ALDH1A2: variants seen among roughly 807,000 people sequenced by gnomAD.
ALDH1A2 encodes retinal dehydrogenase 2.
In ALDH1A2, 27 loss-of-function variants were observed where a neutral mutation model predicts 60.3. That is an observed-to-expected ratio of 0.45 (90% CI 0.33 to 0.62). ALDH1A2 has a LOEUF of 0.62. Among genes scored for constraint, ALDH1A2 ranks in the 20% least tolerant of loss-of-function variants. The pLI, the probability that ALDH1A2 is intolerant of heterozygous loss-of-function variation, is 0.02. For synonymous variants in ALDH1A2, 289 were observed against 232.4 expected (o/e 1.24, Z -2.21); for missense variants, 581 against 643.8 (o/e 0.90, Z 1.06).
chr15:58,019,578 C>T (rs535929858), intron 1 of ALDH1A2, among the ~76,000 whole-genome samples: 21 of 152,042 alleles, frequency 1.4e-4, no homozygotes, highest in African/African-American at 4.6e-4. Flanking sequence ...ATGCTGTAAC[C>T]GAAGGTAAAA....
intron 1 of ALDH1A2, among the ~76,000 whole-genome samples, chr15:58,044,552 G>C (rs1422824130): frequency 6.6e-6 from 1 of 151,944 alleles, no homozygotes; most frequent in African/African-American, 2.4e-5. Flanking sequence ...AATATGTTAG[G>C]GAAACTGTTG....
chr15:58,048,292 C>T (rs1046121922), intron 1 of ALDH1A2, among the ~76,000 whole-genome samples: 1 of 152,028 alleles, frequency 6.6e-6, no homozygotes, highest in African/African-American at 2.4e-5. Context: ...ACACATTGTA[C>T]TGATGTTCAA....
chr15:57,997,353 T>A (rs1162891235), intron 4 of ALDH1A2, among the ~76,000 whole-genome samples: 2 of 152,030 alleles, frequency 1.3e-5, no homozygotes, highest in African/African-American at 4.8e-5. Flanking sequence ...AAGCTAGAGT[T>A]TCATTTACAA....
At chr15:58,011,217 G>A (rs188264637) in intron 3 of ALDH1A2, among the ~76,000 whole-genome samples, 3 of 152,222 alleles carry the variant, frequency 2.0e-5, no homozygotes, top group East Asian at 3.9e-4. Context: ...CAGCTGCCAA[G>A]ACCCCTGCTG....
At chr15:58,009,545 G>A (rs1161012962) in intron 4 of ALDH1A2, among the ~76,000 whole-genome samples, 3 of 150,670 alleles carry the variant, frequency 2.0e-5, no homozygotes, top group Non-Finnish European at 4.4e-5. Flanking sequence ...CTGCCTTCTG[G>A]AGAACACAGG....
At chr15:58,033,014 A>G (rs375299589) in intron 1 of ALDH1A2, among the ~76,000 whole-genome samples, 20 of 152,182 alleles carry the variant, frequency 1.3e-4, no homozygotes, top group African/African-American at 4.1e-4. Context: ...ACACTGGGAC[A>G]GGTGAGTGGG....
At position 58,034,282 on chromosome 15, in the gene ALDH1A2, T is replaced by C. The variant is rs971333371; in HGVS notation, c.118-20001A>G. 2.0e-5 allele frequency among the ~76,000 whole-genome samples: 3 copies of C among 151,800 alleles called. No individual in the cohort carries two copies. In the South Asian group the frequency reaches 6.2e-4, roughly 31 times the overall value. On this transcript the variant is annotated intron_variant, in intron 1 of 12. Coordinates refer to ENST00000249750, the MANE Select transcript of ALDH1A2 (RefSeq NM_003888.4). The stretch of plus-strand genomic sequence containing the variant: ...AAATTCCAAATGTTCATCACCAGTA[T>C]ATAAGAAATCAAATGACTTTTGTAG...
At chr15:58,065,465 A>T (rs1897152142) in intron 1 of ALDH1A2, 69 bp downstream of exon 1, 1 of 1,337,834 alleles carries the variant, frequency 7.5e-7, no homozygotes, top group Admixed American at 1.7e-5. Flanking sequence ...CACCCGCTGA[A>T]GAGATCGGGG....
At chr15:57,977,967 TG>T (rs1894325988) in intron 7 of ALDH1A2, among the ~76,000 whole-genome samples, 1 of 152,222 alleles carries the variant, frequency 6.6e-6, no homozygotes. Context: ...TCATTGTGAA[TG>T]GGAGTTCACT....
chr15:58,024,187 T>C (rs997039484), intron 1 of ALDH1A2, among the ~76,000 whole-genome samples: 13 of 151,604 alleles, frequency 8.6e-5, no homozygotes, highest in Non-Finnish European at 1.5e-4. Context: ...AAGACTCAAA[T>C]GGTACCACTA....
At chr15:58,001,260 G>A (rs1895258195) in intron 4 of ALDH1A2, among the ~76,000 whole-genome samples, 1 of 151,896 alleles carries the variant, frequency 6.6e-6, no homozygotes, top group Non-Finnish European at 1.5e-5. Flanking sequence ...CAGACTTCAA[G>A]TTCTTTACCC....
At chr15:58,014,601 CA>C (rs1316016198) in intron 1 of ALDH1A2, 1 of 464,036 alleles carries the variant, frequency 2.2e-6, no homozygotes, top group Non-Finnish European at 4.3e-6. Context: ...ATCGATAGCC[CA>C]AGCTCTGGCT....
chr15:57,996,279 AATTAC>A (rs1483582780), intron 4 of ALDH1A2, among the ~76,000 whole-genome samples: 1 of 151,732 alleles, frequency 6.6e-6, no homozygotes, highest in Non-Finnish European at 1.5e-5. Context: ...TTTTTTAAAT[AATTAC>A]ATTAAAGTCT....
At chr15:57,983,024 T>A (rs1894567672) in intron 7 of ALDH1A2, among the ~76,000 whole-genome samples, 1 of 152,144 alleles carries the variant, frequency 6.6e-6, no homozygotes, top group Non-Finnish European at 1.5e-5. Flanking sequence ...TATTTTCCCA[T>A]CTCTATAAGG....
chr15:58,062,645 C>CAATTTGGGA (rs1290931870), intron 1 of ALDH1A2, among the ~76,000 whole-genome samples: 2 of 152,062 alleles, frequency 1.3e-5, no homozygotes, highest in East Asian at 1.9e-4. Flanking sequence ...AAATTGGTCC[C>CAATTTGGGA]CTCAATACTT....
Position 57,963,891 on chromosome 15 carries a change from A to C in ALDH1A2, c.1080T>G (p.Gly360=), listed in dbSNP as rs763069969. ...GSPFDPTTEQ[G]PQIDKKQYNK... ...ATGGTTATGATTTTTCTACCTGGGG[A>C]CCCTGCTCAGTGGTGGGGTCAAAGG... The change falls in exon 9 of 13, where the codon GGT becomes GGG. Residue 360 remains glycine, a synonymous_variant. Coordinates refer to ENST00000249750, the MANE Select transcript of ALDH1A2 (RefSeq NM_003888.4). 1 of 1,614,056 alleles carries C rather than the reference A, an allele frequency of 6.2e-7. No individual in the cohort carries two copies. The highest frequency in any genetic ancestry group is 1.7e-5 in the Admixed American group (1 of 60,024).
intron 1 of ALDH1A2, among the ~76,000 whole-genome samples, chr15:58,031,266 A>T (rs530059409): frequency 6.6e-6 from 1 of 152,350 alleles, no homozygotes; most frequent in Admixed American, 6.5e-5. Flanking sequence ...AAATGGTGAA[A>T]GGATTCCCTA....
chr15:57,970,808 T>C (rs1054141367), intron 7 of ALDH1A2, among the ~76,000 whole-genome samples: 4 of 152,232 alleles, frequency 2.6e-5, no homozygotes, highest in South Asian at 2.1e-4. Context: ...TATCTTTTCA[T>C]AAATCCCAAA....
chr15:58,034,522 G>A (rs760196975), intron 1 of ALDH1A2, among the ~76,000 whole-genome samples: 2 of 151,510 alleles, frequency 1.3e-5, no homozygotes, highest in South Asian at 2.1e-4. Flanking sequence ...AGCAAGAGGG[G>A]GTAGCCTGTC....
Sources: gnomAD v4.1 joint callset for allele counts (sites outside exome capture counted in the v4.1 genomes callset) on GRCh38, gnomAD v4.1.1 for gene constraint, MANE v1.5 for transcripts, NCBI Gene and HGNC (gene_info 2026-07-23, HGNC 2026-07-21) for gene names.